Variants in TSHR observed in about 807,000 individuals in gnomAD.
The protein encoded by TSHR is thyroid stimulating hormone receptor.
A neutral mutation model predicts 64.1 loss-of-function variants in TSHR; 51 were observed. The observed-to-expected ratio is 0.80, with a 90% CI of 0.64 to 1.01. The LOEUF (loss-of-function observed/expected upper bound fraction) is 1.01, where lower values mean the gene tolerates loss of function less well. Ranked by LOEUF, TSHR falls within the 50% of genes least tolerant of loss-of-function variation. The pLI is 0.00. For missense variants in TSHR, 877 were observed against 942.8 expected, an observed-to-expected ratio of 0.93 and a Z score of 0.91; for synonymous variants, 361 against 361.9, an observed-to-expected ratio of 1.00 and a Z score of 0.03.
chr14:81,032,530 T>A (rs1044741260), intron 1 of TSHR: 9 of 398,868 alleles, frequency 2.3e-5, no homozygotes, highest in Non-Finnish European at 3.9e-5. Flanking sequence ...GTTCTTACCA[T>A]GGAAAATTCA....
rs774376871 is a variant in TSHR, at chr14:81,143,148, A to T, written c.1090A>T (p.Ile364Phe). 23 of 1,614,058 alleles carry T rather than the reference A, an allele frequency of 1.4e-5. No homozygotes were observed. The South Asian group carries it at 2.1e-4, about 15-fold the overall frequency. ...CTTTGAAGAACAAGAGGATGAGATC[A>T]TTGGTTTTGGCCAGGAGCTCAAAAA... Reference protein sequence around the residue: ...VFFEEQEDEIIGFGQELKNPQ... With the variant: ...VFFEEQEDEIFGFGQELKNPQ... Residue 364 changes from isoleucine to phenylalanine, a missense_variant, in exon 10 of 10, where the codon ATT (isoleucine) becomes TTT (phenylalanine). Physicochemically the swap from Ile to Phe is conservative, Grantham distance 21. Coordinates refer to ENST00000298171, the MANE Select transcript of TSHR (RefSeq NM_000369.5).
chr14:81,024,524 G>A (rs1330887705), intron 1 of TSHR, among the ~76,000 whole-genome samples: 4 of 152,176 alleles, frequency 2.6e-5, no homozygotes, highest in African/African-American at 7.2e-5. Flanking sequence ...TGGGATTACA[G>A]GCTTGGGCCA....
rs780475606 is a variant in TSHR, at chr14:81,143,327, C to T, written c.1269C>T (p.Phe423=). The change falls in exon 10 of 10, where the codon TTC becomes TTT. Residue 423 remains phenylalanine, a synonymous_variant. Coordinates refer to ENST00000298171, the MANE Select transcript of TSHR (RefSeq NM_000369.5). ...AGTTCCTGAGAATTGTGGTGTGGTT[C>T]GTTAGTCTGCTGGCTCTCCTGGGCA... ...GYKFLRIVVW[F]VSLLALLGNV... 4.3e-6 allele frequency: 7 copies of T among 1,614,010 alleles called. No homozygotes were observed. The highest frequency in any genetic ancestry group is 3.3e-5 in the Admixed American group (2 of 59,994).
chr14:80,981,409 G>A (rs1263808931), intron 1 of TSHR, among the ~76,000 whole-genome samples: 1 of 152,168 alleles, frequency 6.6e-6, no homozygotes, highest in Non-Finnish European at 1.5e-5. Context: ...CATGGGGAAA[G>A]CAGTGGGAAT....
intron 1 of TSHR, among the ~76,000 whole-genome samples, chr14:81,041,498 A>G (rs924533885): frequency 6.6e-6 from 1 of 152,070 alleles, no homozygotes; most frequent in African/African-American, 2.4e-5. Context: ...GAGGGGAACA[A>G]AACACACTGG....
chr14:80,983,264 A>G (rs973737284), intron 1 of TSHR: 8 of 1,240,864 alleles, frequency 6.4e-6, no homozygotes, highest in Non-Finnish European at 8.9e-6. Context: ...CTGGACAGCA[A>G]TCTGGATCAA....
In TSHR at chr14:80,982,982, A is replaced by G. The variant is rs908418438; in HGVS notation, c.170+27132A>G. The G allele has an allele frequency of 1.9e-5, 10 of 534,368 alleles. No individual in the cohort carries two copies. In the African/African-American group the frequency reaches 1.9e-4, roughly 10 times the overall value. The allele number at this position is 534,368 out of a possible 1,614,324, so 33.1% of individuals were successfully genotyped here. On this transcript the variant is annotated intron_variant, in intron 1 of 9. Transcript: ENST00000298171. ...TTTGAACAACTTGTTAACTTACTTA[A>G]GTCAACTACTGATCCTCTTGTTCAT...
chr14:81,114,289 T>G (rs1253118422), intron 8 of TSHR, among the ~76,000 whole-genome samples: 1 of 151,842 alleles, frequency 6.6e-6, no homozygotes, highest in Non-Finnish European at 1.5e-5. Flanking sequence ...CACTAGGGAG[T>G]GCCAGACAGT....
chr14:80,968,359 T>A (rs1566741063), intron 1 of TSHR, among the ~76,000 whole-genome samples: 1 of 151,838 alleles, frequency 6.6e-6, no homozygotes, highest in Non-Finnish European at 1.5e-5. Context: ...TCCGATTTTG[T>A]AAGAATGAGA....
At chr14:81,062,066 A>G in intron 1 of TSHR, 82 bp from the exon 2 acceptor site, 1 of 1,226,386 alleles carries the variant, frequency 8.2e-7, no homozygotes, top group Non-Finnish European at 1.2e-6. Context: ...ATGCTTTTTA[A>G]TTATGTGTTT....
At chr14:81,131,228 T>G (rs1246358786) in intron 8 of TSHR, among the ~76,000 whole-genome samples, 2 of 152,086 alleles carry the variant, frequency 1.3e-5, no homozygotes, top group East Asian at 3.9e-4. Flanking sequence ...CCATATCCCA[T>G]CCATCAGAAA....
At chr14:81,060,965 TATG>T (rs1886193594) in intron 1 of TSHR, among the ~76,000 whole-genome samples, 1 of 152,132 alleles carries the variant, frequency 6.6e-6, no homozygotes, top group African/African-American at 2.4e-5. Flanking sequence ...TTTCATTATG[TATG>T]ATGAGAACAG....
chr14:80,956,876 C>T (rs1017626819), intron 1 of TSHR, among the ~76,000 whole-genome samples: 8 of 152,164 alleles, frequency 5.3e-5, no homozygotes, highest in Non-Finnish European at 1.2e-4. Context: ...AGTTCAATAA[C>T]CTCCAAACAG....
rs1340062572 is a variant in TSHR, at chr14:81,088,138, T to C, written c.392+110T>C. ...ATGATGTGGTCCAGGTTCATTTTAA[T>C]GGTGTATAGCCTGGGTCGGGGGCAA... On this transcript the variant is annotated intron_variant, in intron 4 of 9. Transcript: ENST00000298171. The C allele has an allele frequency of 1.2e-5, 11 of 902,738 alleles. No homozygotes were observed. The East Asian group carries it at 2.1e-4, about 17-fold the overall frequency. 55.9% of individuals were successfully genotyped at this position (902,738 alleles called of 1,614,324 possible).
chr14:81,006,559 C>A (rs1889615216), intron 1 of TSHR, among the ~76,000 whole-genome samples: 1 of 151,958 alleles, frequency 6.6e-6, no homozygotes, highest in East Asian at 1.9e-4. Flanking sequence ...TGTCACCAGG[C>A]GAGAGCGCAG....
At chr14:81,030,415 T>C (rs1194350105) in intron 1 of TSHR, among the ~76,000 whole-genome samples, 2 of 152,194 alleles carry the variant, frequency 1.3e-5, no homozygotes. Flanking sequence ...AAATATATTT[T>C]CTTTAAAAAT....
At chr14:81,030,768 T>C (rs1448343677) in intron 1 of TSHR, among the ~76,000 whole-genome samples, 3 of 152,166 alleles carry the variant, frequency 2.0e-5, no homozygotes, top group Non-Finnish European at 4.4e-5. Context: ...ATTTTTATTA[T>C]TTTTTTAATT....
At chr14:80,998,235 G>T (rs2139753397) in intron 1 of TSHR, among the ~76,000 whole-genome samples, 1 of 152,258 alleles carries the variant, frequency 6.6e-6, no homozygotes, top group African/African-American at 2.4e-5. Context: ...CACAGTGTGT[G>T]TGTTATGTGG....
At chr14:80,978,078 TCAA>T (rs1161453639) in intron 1 of TSHR, among the ~76,000 whole-genome samples, 1 of 141,052 alleles carries the variant, frequency 7.1e-6, no homozygotes, top group African/African-American at 2.6e-5. Flanking sequence ...TGCCTCCTCC[TCAA>T]CAACATCCCT....
Sources: allele counts gnomAD v4.1 joint callset (sites outside exome capture counted in the v4.1 genomes callset), GRCh38; gene constraint gnomAD v4.1.1; transcripts MANE v1.5; gene names NCBI Gene and HGNC (gene_info 2026-07-23, HGNC 2026-07-21).